The following MAP3K4 variants were observed in gnomAD, a reference collection of about 807,000 sequenced individuals.
The protein encoded by MAP3K4 is MAP three kinase 1.
In MAP3K4, 67 loss-of-function variants were observed where a neutral mutation model predicts 185.6. The observed-to-expected ratio is 0.36, with a 90% CI of 0.30 to 0.44. The LOEUF is 0.44. Among genes scored for constraint, MAP3K4 ranks in the 20% least tolerant of loss-of-function variants. MAP3K4 has a pLI of 1.00. For synonymous variants in MAP3K4, 702 were observed against 710.4 expected (o/e 0.99, Z 0.19); for missense variants, 1,551 against 1,995.1 (o/e 0.78, Z 4.24).
rs1480309189 is a variant in MAP3K4 at position 161,081,026 on chromosome 6, G to C, written c.2243G>C (p.Gly748Ala). The C allele has an allele frequency of 1.9e-6, 3 of 1,613,788 alleles. No individual in the cohort carries two copies. The South Asian group carries it at 3.3e-5, about 18-fold the overall frequency. Residue 748 changes from glycine (G) to alanine (A), a missense_variant, in exon 6 of 27, where the codon GGG (glycine) becomes GCG (alanine). Physicochemically the swap from Gly to Ala is moderately conservative, Grantham distance 60 (BLOSUM62 0). Around this residue, in one of 16 missense-constraint regions of MAP3K4, gnomAD observed 130 missense variants for 171.3 expected, o/e 0.76. Coordinates refer to ENST00000392142, the MANE Select transcript of MAP3K4 (RefSeq NM_005922.4). ...ATACGGGGAGGAGAAGCACAGGCCGGGAAGCTTTTCTGGTAGGAATCCTTG... is the reference window on the plus strand; with the variant it reads ...ATACGGGGAGGAGAAGCACAGGCCGCGAAGCTTTTCTGGTAGGAATCCTTG... Reference protein sequence around the residue: ...HYIRGGEAQAGKLFCDIAGML... With the variant: ...HYIRGGEAQAAKLFCDIAGML...
rs191164632 is a variant in MAP3K4 at position 161,110,335 on chromosome 6, G to A, written c.4396+421G>A. ...AGTGCACATATAAATTTGAGGCTACGTTTTTGAGACAAGAATGGGGTTTGT... is the reference window on the plus strand; with the variant it reads ...AGTGCACATATAAATTTGAGGCTACATTTTTGAGACAAGAATGGGGTTTGT... On this transcript the variant is annotated intron_variant, in intron 23 of 26. Transcript: ENST00000392142. The surrounding 1 kb of genome is among the most constrained non-coding windows in gnomAD (Gnocchi z 4.8). Among the ~76,000 whole-genome samples, 145 of 152,262 alleles carry A rather than the reference G, an allele frequency of 9.5e-4. No individual in the cohort carries two copies. Among genetic ancestry groups the A allele is most frequent in the African/African-American group, 3.2e-3 (133 of 41,550 alleles).
At chr6:161,005,902 C>T (rs542686839) in intron 1 of MAP3K4, among the ~76,000 whole-genome samples, 1 of 152,220 alleles carries the variant, frequency 6.6e-6, no homozygotes, top group African/African-American at 2.4e-5. Flanking sequence ...ATTCTCCTGC[C>T]TCAGCCTCCC....
chr6:161,028,843 G>A (rs1234133952), intron 1 of MAP3K4, among the ~76,000 whole-genome samples: 2 of 152,308 alleles, frequency 1.3e-5, no homozygotes, highest in East Asian at 3.9e-4. Context: ...ACCTGGAGGT[G>A]AGCTGATAAA....
At chr6:161,105,884 G>C (rs1450240736) in intron 19 of MAP3K4, among the ~76,000 whole-genome samples, 1 of 149,126 alleles carries the variant, frequency 6.7e-6, no homozygotes, top group Admixed American at 6.7e-5. Flanking sequence ...CACCCATGCT[G>C]GAGTGCAGTG....
chr6:161,103,153 A>G lies in MAP3K4; in HGVS notation c.3856+374A>G, dbSNP rs1444250960. Among the ~76,000 whole-genome samples, 1 of 152,224 alleles carries G rather than the reference A, an allele frequency of 6.6e-6. No homozygotes were observed. The highest frequency in any genetic ancestry group is 6.5e-5 in the Admixed American group (1 of 15,278). On this transcript the variant is annotated intron_variant, in intron 19 of 26. Coordinates refer to ENST00000392142, the MANE Select transcript of MAP3K4 (RefSeq NM_005922.4). This position sits in a 1 kb window ranked among gnomAD's most constrained non-coding sequence, Gnocchi z 4.6. ...GCATGTGATTAATATTATCAAAAGA[A>G]CAAATAGCAGAAAAATCATTGGTCT...
Position 161,091,412 on chromosome 6 carries a change from A to G in MAP3K4, c.3007A>G (p.Asn1003Asp). 6.2e-7 allele frequency: 1 copy of G among 1,614,072 alleles called. No individual in the cohort carries two copies. The highest frequency in any genetic ancestry group is 8.5e-7 in the Non-Finnish European group (1 of 1,179,996). Reference sequence around the variant, plus strand: ...ATTGGAGCTATGCAACAGGATAAGCAATGCCATTGACCGCGTGGACCACAT... The same window carrying G: ...ATTGGAGCTATGCAACAGGATAAGCGATGCCATTGACCGCGTGGACCACAT... Reference protein sequence around the residue: ...DALELCNRISNAIDRVDHMFT... With the variant: ...DALELCNRISDAIDRVDHMFT... Residue 1003 changes from asparagine (N) to aspartate (D), a missense_variant, in exon 12 of 27, where the codon AAT becomes GAT. By Grantham distance (23) the Asn-to-Asp change is conservative (BLOSUM62 1). Transcript: ENST00000392142. This position sits in a 1 kb window ranked among gnomAD's most constrained non-coding sequence, Gnocchi z 5.5.
At chr6:161,044,334 GCT>G (rs770802953) in intron 2 of MAP3K4, among the ~76,000 whole-genome samples, 2 of 152,098 alleles carry the variant, frequency 1.3e-5, no homozygotes, top group African/African-American at 2.4e-5. Context: ...TCAGAATTCT[GCT>G]CTGTTTCCAT....
At chr6:161,041,683 GC>G (rs1783460119) in intron 2 of MAP3K4, among the ~76,000 whole-genome samples, 1 of 152,164 alleles carries the variant, frequency 6.6e-6, no homozygotes, top group African/African-American at 2.4e-5. Flanking sequence ...AAGTGGGGCT[GC>G]CCTGTGCAGC....
Position 161,093,905 on chromosome 6 carries a change from G to C in MAP3K4, c.3427+54G>C. The C allele has an allele frequency of 2.3e-6, 3 of 1,312,614 alleles. No homozygotes were observed. Among genetic ancestry groups the C allele is most frequent in the Admixed American group, 1.8e-5 (1 of 54,698 alleles). 81.3% of individuals were successfully genotyped at this position (1,312,614 alleles called of 1,614,324 possible). A position where few individuals can be genotyped will look rare whatever the true frequency, so the allele number is the denominator to read the frequency against. ...TGGAACATAATGATTTGAGTGGACA[G>C]ATCCTCTTGTAATTGCAGTCGTTTA... is the stretch of plus-strand genomic sequence containing the variant. On this transcript the variant is annotated intron_variant, in intron 15 of 26. Transcript: ENST00000392142. This position sits in a 1 kb window ranked among gnomAD's most constrained non-coding sequence, Gnocchi z 5.2.
At chr6:161,046,377 A>G (rs934010226) in intron 2 of MAP3K4, among the ~76,000 whole-genome samples, 3 of 152,256 alleles carry the variant, frequency 2.0e-5, no homozygotes, top group African/African-American at 7.2e-5. Context: ...ATTTTTTTAT[A>G]TAAATAAGAG....
chr6:161,100,129 C>G lies in MAP3K4; in HGVS notation c.3674+1702C>G, dbSNP rs543033897. On this transcript the variant is annotated intron_variant, in intron 17 of 26. Coordinates refer to ENST00000392142, the MANE Select transcript of MAP3K4 (RefSeq NM_005922.4). The surrounding 1 kb of genome is among the most constrained non-coding windows in gnomAD (Gnocchi z 5.8). ...GTGTGGGGTGGTTACCAGACTCCCT[C>G]CTGCATTCAAGCCCTGCGTAAGCCT... Among the ~76,000 whole-genome samples, 4 of 152,342 alleles carry G rather than the reference C, an allele frequency of 2.6e-5. No homozygotes were observed. In the East Asian group the frequency reaches 5.8e-4, roughly 22 times the overall value.
rs1056577870 is a variant in MAP3K4, at chr6:161,043,811, C to T, written c.344-4805C>T. Among the ~76,000 whole-genome samples, 1 of 152,182 alleles carries T rather than the reference C, an allele frequency of 6.6e-6. No homozygotes were observed. Among genetic ancestry groups the T allele is most frequent in the Admixed American group, 6.5e-5 (1 of 15,278 alleles). On this transcript the variant is annotated intron_variant, in intron 2 of 26. Coordinates refer to ENST00000392142, the MANE Select transcript of MAP3K4 (RefSeq NM_005922.4). This position sits in a 1 kb window ranked among gnomAD's most constrained non-coding sequence, Gnocchi z 4.3. ...TGTCTGGTATTCTAGTTCATCATTACTCTGAAGATCATCTCATACTTAAAG... is the reference window on the plus strand; with the variant it reads ...TGTCTGGTATTCTAGTTCATCATTATTCTGAAGATCATCTCATACTTAAAG...
At chr6:161,005,485 A>G (rs1333085194) in intron 1 of MAP3K4, among the ~76,000 whole-genome samples, 1 of 152,104 alleles carries the variant, frequency 6.6e-6, no homozygotes, top group Non-Finnish European at 1.5e-5. Flanking sequence ...GTACTCAGGA[A>G]TGGTGTAGGT....
In MAP3K4 at chr6:161,064,851, C is replaced by G. The variant is rs926838409; in HGVS notation, c.1708-5757C>G. 9.2e-5 allele frequency among the ~76,000 whole-genome samples: 14 copies of G among 152,154 alleles called. No individual in the cohort carries two copies. Among genetic ancestry groups the G allele is most frequent in the African/African-American group, 7.2e-5 (3 of 41,424 alleles). ...ACGGCACGCCTACAGGCCGCTCATG[C>G]AGAGGTCAGGAAGTGCAGACAGGGA... On this transcript the variant is annotated intron_variant, in intron 3 of 26. Transcript: ENST00000392142. This position sits in a 1 kb window ranked among gnomAD's most constrained non-coding sequence, Gnocchi z 4.3.
chr6:161,069,998 G>A (rs541645978), intron 3 of MAP3K4, among the ~76,000 whole-genome samples: 91 of 152,220 alleles, frequency 6.0e-4, no homozygotes, highest in African/African-American at 1.7e-3. Flanking sequence ...GGCGGACAAC[G>A]CAACACTAGG....
At position 161,106,854 on chromosome 6, in the gene MAP3K4, A is replaced by AT. The variant is rs1280861691; in HGVS notation, c.4048+157dup. 17 of 527,062 alleles carry AT rather than the reference A, an allele frequency of 3.2e-5. No homozygotes were observed. Among genetic ancestry groups the AT allele is most frequent in the Admixed American group, 7.5e-5 (2 of 26,502 alleles). 32.6% of individuals were successfully genotyped at this position (527,062 alleles called of 1,614,324 possible). A position where few individuals can be genotyped will look rare whatever the true frequency, so the allele number is the denominator to read the frequency against. ...GTTATCTTTTTGCAAAGTGGTCTGG[A>AT]TTTTTTTTGGTTGTTTAATTTGTAA... On this transcript the variant is annotated intron_variant, in intron 20 of 26. Transcript: ENST00000392142. The surrounding 1 kb of genome is among the most constrained non-coding windows in gnomAD (Gnocchi z 4.9).
intron 1 of MAP3K4, 52 bp downstream of exon 1, chr6:160,992,135 G>C (rs1273588943): frequency 1.4e-6 from 2 of 1,471,332 alleles, no homozygotes; most frequent in East Asian, 2.8e-5. Context: ...GCGGGTCCTG[G>C]CCCGAACTCG....
At chr6:161,079,977 G>A (rs1397322722) in intron 5 of MAP3K4, among the ~76,000 whole-genome samples, 2 of 152,162 alleles carry the variant, frequency 1.3e-5, no homozygotes, top group Admixed American at 1.3e-4. Context: ...GATAGAGAAA[G>A]GAATCCTGTA....
At position 161,092,971 on chromosome 6, in the gene MAP3K4, G is replaced by C; in HGVS notation, c.3270-7G>C. The stretch of plus-strand genomic sequence containing the variant: ...TTATGTGATTACTGAACTTTTTCGT[G>C]TACCAGGTGGGCGACTCAAGGATTT... On this transcript the variant is annotated splice_region_variant and splice_polypyrimidine_tract_variant and intron_variant, in intron 13 of 26. Coordinates refer to ENST00000392142, the MANE Select transcript of MAP3K4 (RefSeq NM_005922.4). The C allele has an allele frequency of 6.2e-7, 1 of 1,604,976 alleles. No individual in the cohort carries two copies. The highest frequency in any genetic ancestry group is 1.1e-5 in the South Asian group (1 of 90,712).
Sources: allele counts gnomAD v4.1 joint callset (sites outside exome capture counted in the v4.1 genomes callset), GRCh38; gene constraint gnomAD v4.1.1; regional missense constraint gnomAD v4.1.1; non-coding constraint Gnocchi (gnomAD v3.1); transcripts MANE v1.5; gene names NCBI Gene and HGNC (gene_info 2026-07-23, HGNC 2026-07-21).